FN1: variants seen among roughly 807,000 people sequenced by gnomAD.
FN1 encodes fibronectin.
A neutral mutation model predicts 297.3 loss-of-function variants in FN1; 106 were observed. The ratio of observed to expected loss-of-function variants is 0.36; its 90% CI spans 0.30 to 0.42. The LOEUF (loss-of-function observed/expected upper bound fraction) is 0.42, where lower values mean the gene tolerates loss of function less well. FN1 is among the 10% of genes least tolerant of loss of function. The probability of loss-of-function intolerance (pLI) is 1.00; values close to 1 mark genes in which losing one functional copy is unlikely to be tolerated. For missense variants in FN1, 2,690 were observed against 3,124.9 expected (o/e 0.86, Z 3.32); for synonymous variants, 1,149 against 1,152.6 (o/e 1.00, Z 0.06).
In FN1 at chr2:215,425,272, G is replaced by A. The variant is rs200009831; in HGVS notation, c.858C>T (p.Phe286=). 14 of 1,614,082 alleles carry A rather than the reference G, an allele frequency of 8.7e-6. No homozygotes were observed. In the East Asian group the frequency reaches 2.2e-4, roughly 26 times the overall value. ...GGTAAACAGCTGCACGAACATCGGT[G>A]AAGGGGCCAGATCCTAATGGCATGA... ...VQTTSSGSGP[F]TDVRAAVYQP... is the part of the protein sequence containing the mutation. The change falls in exon 7 of 46, where the codon TTC becomes TTT. Residue 286 remains phenylalanine (F), a synonymous_variant. Transcript: ENST00000354785.
At position 215,422,102 on chromosome 2, in the gene FN1, G is replaced by A. The variant is rs763005676; in HGVS notation, c.1535C>T (p.Ser512Leu). Residue 512 changes from serine to leucine, a missense_variant, in exon 10 of 46, where the codon TCG becomes TTG. Ser to Leu is a moderately radical substitution (Grantham distance 145). Around this residue, in one of 3 missense-constraint regions of FN1, gnomAD observed 876 missense variants for 1,058.1 expected, o/e 0.83. Coordinates refer to ENST00000354785, the MANE Select transcript of FN1 (RefSeq NM_212482.4). ...GRGEWTCIAYSQLRDQCIVDD... is the reference protein window; with the variant it reads ...GRGEWTCIAYLQLRDQCIVDD... ...ATCAGCCAGCATACCTCGAAGCTGC[G>A]AGTAGGCAATGCATGTCCATTCCCC... 30 of 1,613,918 alleles carry A rather than the reference G, an allele frequency of 1.9e-5. No homozygotes were observed. Among genetic ancestry groups the A allele is most frequent in the African/African-American group, 2.7e-5 (2 of 74,900 alleles).
At chr2:215,382,158 C>CA in intron 32 of FN1, 54 bp downstream of exon 32, 1 of 1,133,534 alleles carries the variant, frequency 8.8e-7, no homozygotes, top group African/African-American at 1.5e-5. Flanking sequence ...GGCATTCAGA[C>CA]ACCCAAGAAC....
At position 215,375,273 on chromosome 2, in the gene FN1, G is replaced by A. The variant is rs1420522193; in HGVS notation, c.6098C>T (p.Ser2033Phe). The part of the protein sequence containing the change: ...GYIIKYEKPG[S>F]PPREVVPRPR... ...CCGAGGGACCACTTCTCTGGGAGGA[G>A]ACCCAGGCTTCTCATACTTGATGAT... is the stretch of plus-strand genomic sequence containing the variant. Residue 2033 changes from serine (S) to phenylalanine (F), a missense_variant, in exon 38 of 46, where the codon TCT becomes TTT. Around this residue, in one of 3 missense-constraint regions of FN1, gnomAD observed 1,743 missense variants for 1,945.2 expected, o/e 0.90. Transcript: ENST00000354785. 2 of 1,614,140 alleles carry A rather than the reference G, an allele frequency of 1.2e-6. No individual in the cohort carries two copies. Among genetic ancestry groups the A allele is most frequent in the South Asian group, 1.1e-5 (1 of 91,070 alleles).
chr2:215,404,737 C>G (rs2061555529), intron 19 of FN1, 82 bp from the exon 20 acceptor site: 1 of 1,293,972 alleles, frequency 7.7e-7, no homozygotes, highest in Non-Finnish European at 1.1e-6. Context: ...GATTGAATGT[C>G]TAAGTTTTCT....
chr2:215,430,677 A>G (rs1294079823), intron 5 of FN1, 38 bp downstream of exon 5: 8 of 1,609,630 alleles, frequency 5.0e-6, no homozygotes, highest in Non-Finnish European at 6.8e-6. Flanking sequence ...AGAAAACAAT[A>G]CCTGGCTTAA....
chr2:215,409,688 G>A lies in FN1; in HGVS notation c.2174C>T (p.Ser725Phe), dbSNP rs2062299724. 4 of 1,614,096 alleles carry A rather than the reference G, an allele frequency of 2.5e-6. No individual in the cohort carries two copies. The highest frequency in any genetic ancestry group is 3.4e-6 in the Non-Finnish European group (4 of 1,180,000). The change falls in exon 15 of 46, where the codon TCT (serine) becomes TTT (phenylalanine). Residue 725 changes from serine (S) to phenylalanine (F), a missense_variant. Ser to Phe is a radical substitution (Grantham distance 155). Around this residue, in one of 3 missense-constraint regions of FN1, gnomAD observed 876 missense variants for 1,058.1 expected, o/e 0.83. Transcript: ENST00000354785. ...TTPFSPLVATSESVTEITASS... is the reference protein window; with the variant it reads ...TTPFSPLVATFESVTEITASS... The stretch of plus-strand genomic sequence containing the variant: ...GGCTGTGATTTCGGTCACAGATTCA[G>A]AAGTGGCCACAAGAGGAGAAAAGGG...
At chr2:215,395,652 A>G (rs767047244) in intron 23 of FN1, among the ~76,000 whole-genome samples, 8 of 152,192 alleles carry the variant, frequency 5.3e-5, no homozygotes, top group Admixed American at 3.3e-4. Flanking sequence ...ATTCAAATAA[A>G]AACAGTGATG....
chr2:215,380,582 G>A, intron 33 of FN1: 1 of 587,824 alleles, frequency 1.7e-6, no homozygotes, highest in Non-Finnish European at 3.0e-6. Flanking sequence ...CTTGCTTTAT[G>A]GTCTTGTGTA....
chr2:215,374,038 T>C (rs902116785), intron 38 of FN1, among the ~76,000 whole-genome samples: 1 of 152,198 alleles, frequency 6.6e-6, no homozygotes, highest in Non-Finnish European at 1.5e-5. Context: ...TAAGAAAATC[T>C]ATCAGCATCA....
At position 215,393,130 on chromosome 2, in the gene FN1, T is replaced by A. The variant is rs776072825; in HGVS notation, c.3870A>T (p.Leu1290=). ...GGTACCCAATAATGGTGGAAGAGTTTAGCGGGGTCCACCTCAGGCCGATGC... is the reference window on the plus strand; with the variant it reads ...GGTACCCAATAATGGTGGAAGAGTTAAGCGGGGTCCACCTCAGGCCGATGC... ...DSSIGLRWTP[L]NSSTIIGYRI... is the part of the protein sequence containing the mutation. Residue 1290 remains leucine (L), a synonymous_variant, in exon 25 of 46, where the codon CTA becomes CTT. Coordinates refer to ENST00000354785, the MANE Select transcript of FN1 (RefSeq NM_212482.4). The A allele has an allele frequency of 2.5e-5, 41 of 1,613,960 alleles. No homozygotes were observed. The highest frequency in any genetic ancestry group is 3.3e-5 in the Admixed American group (2 of 59,974).
chr2:215,373,024 AAGAAG>A (rs1377906339), intron 39 of FN1, among the ~76,000 whole-genome samples: 9 of 152,136 alleles, frequency 5.9e-5, no homozygotes, highest in Admixed American at 1.3e-4. Context: ...GAAGGTATAA[AAGAAG>A]AGCAATGATA....
intron 9 of FN1, 53 bp from the exon 10 acceptor site, chr2:215,422,296 C>A (rs572544104): frequency 1.3e-6 from 2 of 1,534,930 alleles, no homozygotes; most frequent in African/African-American, 2.7e-5. Context: ...CAGGTCTAAA[C>A]ATGTATGTGT....
At chr2:215,422,369 C>T (rs916205158) in intron 9 of FN1, 126 bp from the exon 10 acceptor site, 12 of 951,258 alleles carry the variant, frequency 1.3e-5, no homozygotes, top group African/African-American at 9.7e-5. Flanking sequence ...GCTTTGTGTG[C>T]ATCAAAGACA....
chr2:215,433,928 C>G (rs1056196547), intron 2 of FN1, among the ~76,000 whole-genome samples: 3 of 152,126 alleles, frequency 2.0e-5, no homozygotes, highest in Non-Finnish European at 2.9e-5. Flanking sequence ...ACGGTGAAAC[C>G]CCGTCTCTAC....
chr2:215,393,286 C>T, intron 24 of FN1, 83 bp from the exon 25 acceptor site: 4 of 1,366,398 alleles, frequency 2.9e-6, no homozygotes, highest in Non-Finnish European at 4.1e-6. Context: ...CAGTGTATAT[C>T]AGGTTACTAG....
chr2:215,419,778 C>A (rs2063962868), intron 11 of FN1, among the ~76,000 whole-genome samples: 1 of 152,126 alleles, frequency 6.6e-6, no homozygotes, highest in African/African-American at 2.4e-5. Flanking sequence ...CTTACTTCTT[C>A]AAAATTTAAA....
At position 215,362,041 on chromosome 2, in the gene FN1, T is replaced by C. The variant is rs1479254737; in HGVS notation, c.7290A>G (p.Glu2430=). The C allele has an allele frequency of 6.2e-7, 1 of 1,614,120 alleles. No individual in the cohort carries two copies. The highest frequency in any genetic ancestry group is 1.1e-5 in the South Asian group (1 of 91,072). The change falls in exon 45 of 46, where the codon GAA becomes GAG. Residue 2430 remains glutamate (E), a synonymous_variant. Coordinates refer to ENST00000354785, the MANE Select transcript of FN1 (RefSeq NM_212482.4). The part of the protein sequence containing the change: ...RCDNCRRPGG[E]PSPEGTTGQS... ...GGCCAGTAGTGCCTTCGGGACTGGG[T>C]TCACCCCCAGGTCTGCGGCAGTTGT... is the stretch of plus-strand genomic sequence containing the variant.
chr2:215,402,568 C>G (rs896493469), intron 20 of FN1, among the ~76,000 whole-genome samples: 13 of 152,076 alleles, frequency 8.5e-5, no homozygotes, highest in African/African-American at 3.1e-4. Context: ...AACATGCAAG[C>G]CTTGTGGATG....
At chr2:215,375,751 T>A in intron 36 of FN1, 33 bp from the exon 37 acceptor site, 1 of 1,410,400 alleles carries the variant, frequency 7.1e-7, no homozygotes, top group South Asian at 1.2e-5. Flanking sequence ...TTTTAACAGT[T>A]CTTGCTTTTT....
Sources: allele counts gnomAD v4.1 joint callset (sites outside exome capture counted in the v4.1 genomes callset), GRCh38; gene constraint gnomAD v4.1.1; regional missense constraint gnomAD v4.1.1; transcripts MANE v1.5; gene names NCBI Gene and HGNC (gene_info 2026-07-23, HGNC 2026-07-21).